DYNC2I1: variants seen among roughly 807,000 people sequenced by gnomAD.
The protein encoded by DYNC2I1 is dynein 2 intermediate chain 1.
Under a neutral mutation model 133.4 loss-of-function variants are expected in DYNC2I1, and 89 were observed. That is an observed-to-expected ratio of 0.67 (90% CI 0.56 to 0.80). The LOEUF (loss-of-function observed/expected upper bound fraction) is 0.80. DYNC2I1 is among the 30% of genes least tolerant of loss of function. The probability of loss-of-function intolerance (pLI) is 0.00; values close to 1 mark genes in which losing one functional copy is unlikely to be tolerated. For missense variants in DYNC2I1, 1,291 were observed against 1,314.5 expected, an observed-to-expected ratio of 0.98 and a Z score of 0.28; for synonymous variants, 504 against 484.3, an observed-to-expected ratio of 1.04 and a Z score of -0.54.
At chr7:158,860,465 A>C (rs532312719) in intron 1 of DYNC2I1, among the ~76,000 whole-genome samples, 1 of 152,152 alleles carries the variant, frequency 6.6e-6, no homozygotes, top group Non-Finnish European at 1.5e-5. Context: ...TATGTTCTTT[A>C]TTTGTACTGA....
At chr7:158,883,354 A>G (rs1193818128) in intron 5 of DYNC2I1, among the ~76,000 whole-genome samples, 3 of 149,376 alleles carry the variant, frequency 2.0e-5, no homozygotes, top group Non-Finnish European at 4.4e-5. Flanking sequence ...AGTGGCTGGG[A>G]TTACAGGTGT....
chr7:158,914,784 C>G (rs1031581766), intron 14 of DYNC2I1, among the ~76,000 whole-genome samples: 1 of 152,300 alleles, frequency 6.6e-6, no homozygotes, highest in East Asian at 1.9e-4. Context: ...CTGTGGGTCT[C>G]GTCTGACCCC....
Position 158,937,203 on chromosome 7 carries a change from T to TA in DYNC2I1, c.2778+2660dup, listed in dbSNP as rs549927039. Among the ~76,000 whole-genome samples, 352 of 152,278 alleles carry TA rather than the reference T, an allele frequency of 2.3e-3. 1 individual carries two copies. Among genetic ancestry groups the TA allele is most frequent in the African/African-American group, 8.1e-3 (338 of 41,546 alleles). The stretch of plus-strand genomic sequence containing the variant: ...ATTTAACAAAGAGATTGAAATAATT[T>TA]AAAAAATCAAACAAATCTTGGAACT... On this transcript the variant is annotated intron_variant, in intron 23 of 24. Coordinates refer to ENST00000407559, the MANE Select transcript of DYNC2I1 (RefSeq NM_018051.5).
Position 158,926,320 on chromosome 7 carries a change from C to T in DYNC2I1, c.2371+20C>T. ...AAGAAGGTACGTGATTCTTCACTTT[C>T]TTAAAATCCTTCATCAATGGTTGTG... On this transcript the variant is annotated intron_variant, in intron 18 of 24. Transcript: ENST00000407559. 2.5e-6 allele frequency: 4 copies of T among 1,604,734 alleles called. No homozygotes were observed. In the Admixed American group the frequency reaches 6.9e-5, roughly 28 times the overall value.
At position 158,891,201 on chromosome 7, in the gene DYNC2I1, G is replaced by T; in HGVS notation, c.991-64G>T. The T allele has an allele frequency of 1.9e-6, 3 of 1,579,422 alleles. No homozygotes were observed. In the South Asian group the frequency reaches 3.3e-5, roughly 17 times the overall value. On this transcript the variant is annotated intron_variant, in intron 7 of 24. Transcript: ENST00000407559. ...CGCAGTGGTGGGGTGGGGGGGAGCT[G>T]CGTGGCGTGTGCCCTGGAGTCCCAC...
chr7:158,930,506 T>C lies in DYNC2I1; in HGVS notation c.2537T>C (p.Leu846Ser), dbSNP rs1270562721. The change falls in exon 21 of 25, where the codon TTG (leucine) becomes TCG (serine). Residue 846 changes from leucine (L) to serine (S), a missense_variant. Physicochemically the swap from Leu to Ser is moderately radical, Grantham distance 145. Transcript: ENST00000407559. ...VKLVHSALIQ[L>S]GDSLSHKGNE... ...CTGGTACATAGTGCTCTGATCCAGTTGGGTGACAGGTAAGATGTGAGGGAA... is the reference window on the plus strand; with the variant it reads ...CTGGTACATAGTGCTCTGATCCAGTCGGGTGACAGGTAAGATGTGAGGGAA... 1 of 1,612,866 alleles carries C rather than the reference T, an allele frequency of 6.2e-7. No individual in the cohort carries two copies.
chr7:158,869,451 AAGG>A (rs1203170194), intron 1 of DYNC2I1: 1 of 471,860 alleles, frequency 2.1e-6, no homozygotes, highest in Non-Finnish European at 4.4e-6. Flanking sequence ...GCGGCCGCAG[AAGG>A]AGCACAGACT....
chr7:158,882,343 G>T (rs1185931387), intron 5 of DYNC2I1, among the ~76,000 whole-genome samples: 4 of 152,146 alleles, frequency 2.6e-5, no homozygotes, highest in Admixed American at 1.3e-4. Context: ...TAGCTACTCA[G>T]GAGGCTGAGG....
At chr7:158,860,717 A>G (rs976060708) in intron 1 of DYNC2I1, among the ~76,000 whole-genome samples, 5 of 152,256 alleles carry the variant, frequency 3.3e-5, no homozygotes, top group African/African-American at 1.2e-4. Context: ...GTTTATTGTT[A>G]TGAAATTTAT....
rs573383694 is a variant in DYNC2I1, at chr7:158,953,045, C to A, written c.*57-3538C>A. On this transcript the variant is annotated intron_variant and NMD_transcript_variant, in intron 4 of 4. Coordinates refer to the DYNC2I1 transcript ENST00000454771. The stretch of plus-strand genomic sequence containing the variant: ...CCCAGGTGGCATCCGCACCCATGGG[C>A]TAACAGGACAGGGCGCCCTGTGGCC... Among the ~76,000 whole-genome samples the A allele has an allele frequency of 1.4e-4, 22 of 152,334 alleles. No homozygotes were observed. The South Asian group carries it at 4.1e-3, about 29-fold the overall frequency.
intron 7 of DYNC2I1, among the ~76,000 whole-genome samples, chr7:158,890,849 G>T (rs2788481): frequency 6.6e-6 from 1 of 152,314 alleles, no homozygotes; most frequent in African/African-American, 2.4e-5. Flanking sequence ...GCTAGTATTA[G>T]AGGCGTGAAC....
intron 11 of DYNC2I1, 36 bp downstream of exon 11, chr7:158,906,127 G>T (rs1420319637): frequency 6.5e-7 from 1 of 1,545,040 alleles, no homozygotes; most frequent in Non-Finnish European, 8.8e-7. Context: ...AGGTGTTCAG[G>T]GTTTTAGCTT....
the DYNC2I1 span, among the ~76,000 whole-genome samples, chr7:158,840,813 GGAC>G: frequency 2.0e-5 from 3 of 152,094 alleles, no homozygotes; most frequent in Non-Finnish European, 2.9e-5. Context: ...GCCTGCTCCA[GGAC>G]GACAAGAGCC....
At chr7:158,888,243 TG>T (rs1285230995) in intron 7 of DYNC2I1, among the ~76,000 whole-genome samples, 1 of 151,974 alleles carries the variant, frequency 6.6e-6, no homozygotes, top group East Asian at 1.9e-4. Context: ...CAGTCTGGTC[TG>T]GAACTCCTGA....
intron 8 of DYNC2I1, among the ~76,000 whole-genome samples, chr7:158,894,147 CCACATATCGTACATCATAA>C (rs1563126504): frequency 6.6e-6 from 1 of 152,110 alleles, no homozygotes; most frequent in African/African-American, 2.4e-5. Flanking sequence ...GCATATCCTA[CCACATATCGTACATCATAA>C]TGCATGTCAC....
intron 4 of DYNC2I1, among the ~76,000 whole-genome samples, chr7:158,956,087 T>A (rs1852189762): frequency 6.6e-6 from 1 of 152,264 alleles, no homozygotes; most frequent in Non-Finnish European, 1.5e-5. Flanking sequence ...AATGATTTTT[T>A]AAATCTGTTT....
chr7:158,869,602 CTTTTA>C (rs1842704124), intron 1 of DYNC2I1: 2 of 521,336 alleles, frequency 3.8e-6, no homozygotes, highest in South Asian at 1.9e-5. Flanking sequence ...CTTGTTTTCA[CTTTTA>C]TTTTATAATA....
chr7:158,841,647 G>A, the DYNC2I1 span, among the ~76,000 whole-genome samples: 1 of 152,204 alleles, frequency 6.6e-6, no homozygotes, highest in African/African-American at 2.4e-5. Flanking sequence ...GTAACTGATT[G>A]GGAAATGAGC....
At chr7:158,846,585 G>A in the DYNC2I1 span, among the ~76,000 whole-genome samples, 2 of 152,044 alleles carry the variant, frequency 1.3e-5, no homozygotes, top group African/African-American at 4.8e-5. Flanking sequence ...TACAGAAATT[G>A]GACTCATTAA....
Sources: allele counts gnomAD v4.1 joint callset (sites outside exome capture counted in the v4.1 genomes callset), GRCh38; gene constraint gnomAD v4.1.1; transcripts MANE v1.5; gene names NCBI Gene and HGNC (gene_info 2026-07-23, HGNC 2026-07-21).